Variants in MPPED1 observed in about 807,000 individuals in gnomAD.
The protein encoded by MPPED1 is metallophosphoesterase domain containing 1, also known as metallophosphoesterase domain-containing protein 1.
In MPPED1, 16 loss-of-function variants were observed where a neutral mutation model predicts 36.2. The ratio of observed to expected loss-of-function variants is 0.44; its 90% CI spans 0.30 to 0.67. MPPED1 has a LOEUF of 0.67. Ranked by LOEUF, MPPED1 falls within the 30% of genes least tolerant of loss-of-function variation. MPPED1 has a pLI of 0.10. For synonymous variants in MPPED1, 199 were observed against 191.3 expected (o/e 1.04, Z -0.33); for missense variants, 307 against 453.4 (o/e 0.68, Z 2.93).
In MPPED1 at chr22:43,447,883, A is replaced by ATATTTT. The variant is rs1321289636; in HGVS notation, c.406+12669_406+12670insATTTTT. Among the ~76,000 whole-genome samples, 194 of 67,702 alleles carry ATATTTT rather than the reference A, an allele frequency of 2.9e-3. 6 individuals are homozygous for ATATTTT. The highest frequency in any genetic ancestry group is 0.011 in the African/African-American group (167 of 14,934). The allele number at this position is 67,702 out of a possible 152,430, so 44.4% of individuals were successfully genotyped here. The stretch of plus-strand genomic sequence containing the variant: ...ATTATATATATATATATATATATAT[A>ATATTTT]TTTTTTTTTTTTTTAGACAAAGTCT... On this transcript the variant is annotated intron_variant, in intron 3 of 6. Transcript: ENST00000443721.
At chr22:43,490,992 T>C (rs1004217470) in intron 4 of MPPED1, among the ~76,000 whole-genome samples, 1 of 120,018 alleles carries the variant, frequency 8.3e-6, no homozygotes, top group Non-Finnish European at 1.9e-5. Context: ...GAAAGCATTT[T>C]ACTCTGTGAC....
intron 4 of MPPED1, among the ~76,000 whole-genome samples, chr22:43,489,523 A>T (rs577657585): frequency 1.4e-5 from 2 of 143,856 alleles, no homozygotes; most frequent in Admixed American, 6.9e-5. Flanking sequence ...GTCCCCTGAC[A>T]TTTTTTTTTT....
rs549317900 is a variant in MPPED1, at chr22:43,460,232, A to G, written c.407-14504A>G. On this transcript the variant is annotated intron_variant, in intron 3 of 6. Transcript: ENST00000443721. ...AAAAACAAAAACAAAAACAAAAACA[A>G]AAACAAAAACAAAAACAAAAACAAA... is the stretch of plus-strand genomic sequence containing the variant. Among the ~76,000 whole-genome samples the G allele has an allele frequency of 8.3e-4, 99 of 119,368 alleles. 1 individual carries two copies. Among genetic ancestry groups the G allele is most frequent in the African/African-American group, 2.7e-3 (90 of 33,568 alleles). 78.3% of individuals were successfully genotyped at this position (119,368 alleles called of 152,430 possible).
In MPPED1 at chr22:43,467,539, G is replaced by A. The variant is rs550722355; in HGVS notation, c.407-7197G>A. On this transcript the variant is annotated intron_variant, in intron 3 of 6. Coordinates refer to ENST00000443721, the MANE Select transcript of MPPED1 (RefSeq NM_001044370.2). Reference sequence around the variant, plus strand: ...GCACCGAGTTGCACCAAGACCCCACGGTGGCTCACAGCTGACTCTCGCAGC... The same window carrying A: ...GCACCGAGTTGCACCAAGACCCCACAGTGGCTCACAGCTGACTCTCGCAGC... Among the ~76,000 whole-genome samples the A allele has an allele frequency of 5.9e-5, 9 of 152,336 alleles. No homozygotes were observed. The East Asian group carries it at 7.7e-4, about 13-fold the overall frequency.
chr22:43,428,561 G>A (rs1180374753), intron 2 of MPPED1, among the ~76,000 whole-genome samples: 4 of 152,310 alleles, frequency 2.6e-5, no homozygotes, highest in African/African-American at 9.6e-5. Context: ...GCCACTTCCC[G>A]ACATGTGATT....
At position 43,421,117 on chromosome 22, in the gene MPPED1, G is replaced by A. The variant is rs189601496; in HGVS notation, c.-78-3791G>A. Among the ~76,000 whole-genome samples the A allele has an allele frequency of 2.6e-3, 391 of 152,332 alleles. 5 individuals carry two copies. The highest frequency in any genetic ancestry group is 8.9e-3 in the African/African-American group (371 of 41,582). On this transcript the variant is annotated intron_variant, in intron 1 of 6. Transcript: ENST00000443721. ...GCGGGTCCCGGGGCACCACTGCATCGCTCGCGTGCTGTGCTGTTTTGAGGA... is the reference window on the plus strand; with the variant it reads ...GCGGGTCCCGGGGCACCACTGCATCACTCGCGTGCTGTGCTGTTTTGAGGA...
intron 4 of MPPED1, among the ~76,000 whole-genome samples, chr22:43,477,301 T>C (rs1458254115): frequency 1.3e-5 from 2 of 152,190 alleles, no homozygotes; most frequent in African/African-American, 4.8e-5. Flanking sequence ...GAGCTGGTGC[T>C]CCTCCTGTTC....
At chr22:43,464,362 G>A (rs1931088791) in intron 3 of MPPED1, among the ~76,000 whole-genome samples, 2 of 151,586 alleles carry the variant, frequency 1.3e-5, no homozygotes, top group African/African-American at 4.8e-5. Context: ...GTGATCATGG[G>A]GCCCTGGCCA....
chr22:43,423,972 C>T (rs1254504061), intron 1 of MPPED1, among the ~76,000 whole-genome samples: 1 of 152,124 alleles, frequency 6.6e-6, no homozygotes, highest in Non-Finnish European at 1.5e-5. Flanking sequence ...GGCCATTGTG[C>T]TGTGTGTTGG....
intron 3 of MPPED1, among the ~76,000 whole-genome samples, chr22:43,439,579 C>A (rs1316424369): frequency 1.3e-5 from 2 of 152,236 alleles, no homozygotes; most frequent in African/African-American, 4.8e-5. Flanking sequence ...GTCTCTCAAC[C>A]TCTCTGTGCC....
At chr22:43,426,687 G>T (rs1929487943) in intron 2 of MPPED1, among the ~76,000 whole-genome samples, 1 of 152,220 alleles carries the variant, frequency 6.6e-6, no homozygotes. Flanking sequence ...AGAGGGAGCT[G>T]CAGGGAAGGG....
chr22:43,423,973 T>C (rs575540724), intron 1 of MPPED1, among the ~76,000 whole-genome samples: 1 of 152,288 alleles, frequency 6.6e-6, no homozygotes, highest in African/African-American at 2.4e-5. Context: ...GCCATTGTGC[T>C]GTGTGTTGGG....
intron 6 of MPPED1, among the ~76,000 whole-genome samples, chr22:43,504,571 G>A (rs1233515441): frequency 3.3e-5 from 5 of 151,728 alleles, no homozygotes; most frequent in Non-Finnish European, 7.4e-5. Context: ...TGATGGCATT[G>A]GTGATGATGA....
chr22:43,468,092 A>G (rs1366895253), intron 3 of MPPED1, among the ~76,000 whole-genome samples: 1 of 152,216 alleles, frequency 6.6e-6, no homozygotes, highest in Non-Finnish European at 1.5e-5. Context: ...GAATACACGT[A>G]TGTGGCAAAT....
intron 3 of MPPED1, among the ~76,000 whole-genome samples, 177 bp downstream of exon 3, chr22:43,435,392 C>T (rs948898564): frequency 1.3e-5 from 2 of 152,196 alleles, no homozygotes; most frequent in African/African-American, 4.8e-5. Context: ...CTCTCCCATC[C>T]ACCTTGGACC....
intron 3 of MPPED1, among the ~76,000 whole-genome samples, chr22:43,445,323 G>A (rs1456447445): frequency 1.3e-5 from 2 of 151,836 alleles, no homozygotes; most frequent in African/African-American, 2.4e-5. Flanking sequence ...CCCCACCTCC[G>A]CCTTCTTTTG....
rs193100346 is a variant in MPPED1, at chr22:43,428,730, G to A, written c.224+3521G>A. On this transcript the variant is annotated intron_variant, in intron 2 of 6. Transcript: ENST00000443721. ...TGCCCCCAGAGACTCTGCTGGTGACGAGGCCGCCTTTGCTTGGGTAATGAA... is the reference window on the plus strand; with the variant it reads ...TGCCCCCAGAGACTCTGCTGGTGACAAGGCCGCCTTTGCTTGGGTAATGAA... Among the ~76,000 whole-genome samples the A allele has an allele frequency of 1.6e-4, 24 of 152,190 alleles. 1 individual carries two copies. The highest frequency in any genetic ancestry group is 5.5e-4 in the African/African-American group (23 of 41,524).
At chr22:43,447,706 A>G (rs1376973901) in intron 3 of MPPED1, among the ~76,000 whole-genome samples, 2 of 150,782 alleles carry the variant, frequency 1.3e-5, no homozygotes, top group African/African-American at 2.4e-5. Context: ...TGCAGATTAC[A>G]TAGGTCTCGG....
At chr22:43,416,014 C>T (rs1438092909) in intron 1 of MPPED1, among the ~76,000 whole-genome samples, 1 of 152,228 alleles carries the variant, frequency 6.6e-6, no homozygotes, top group Non-Finnish European at 1.5e-5. Flanking sequence ...GTGCTGCAGT[C>T]TGCAAGCCTG....
Sources: gnomAD v4.1 joint callset for allele counts (sites outside exome capture counted in the v4.1 genomes callset) on GRCh38, gnomAD v4.1.1 for gene constraint, MANE v1.5 for transcripts, NCBI Gene and HGNC (gene_info 2026-07-23, HGNC 2026-07-21) for gene names.